The following GANC variants were observed in gnomAD, a reference collection of about 807,000 sequenced individuals.
The protein encoded by GANC is neutral alpha-glucosidase C.
In GANC, 117 loss-of-function variants were observed where a neutral mutation model predicts 124.2. The observed-to-expected ratio is 0.94, with a 90% CI of 0.81 to 1.10. The LOEUF is 1.10. GANC is among the 50% of genes least tolerant of loss of function. The pLI is 0.00. For missense variants in GANC, 1,140 were observed against 1,095.0 expected, an observed-to-expected ratio of 1.04 and a Z score of -0.58; for synonymous variants, 377 against 376.8, an observed-to-expected ratio of 1.00 and a Z score of -0.01.
intron 19 of GANC, 103 bp downstream of exon 19, chr15:42,343,257 C>A: frequency 1.1e-6 from 1 of 939,408 alleles, no homozygotes. Context: ...GAACACACCC[C>A]AGATGACTAT....
intron 16 of GANC, among the ~76,000 whole-genome samples, chr15:42,339,036 G>A (rs2052306710): frequency 6.6e-6 from 1 of 152,126 alleles, no homozygotes; most frequent in African/African-American, 2.4e-5. Flanking sequence ...TATGGAGGGG[G>A]CTCAAGATGG....
Position 42,352,505 on chromosome 15 carries a change from G to T in GANC, c.*366G>T. 1 of 1,050,942 alleles carries T rather than the reference G, an allele frequency of 9.5e-7. No individual in the cohort carries two copies. Among genetic ancestry groups the T allele is most frequent in the Non-Finnish European group, 1.2e-6 (1 of 868,384 alleles). 65.1% of individuals were successfully genotyped at this position (1,050,942 alleles called of 1,614,324 possible). ...GCCCATTTGCCAGGGCTTGCCTCAG[G>T]CCATGCAGCATTGGCGCTCTGGCTG... On this transcript the variant is annotated 3_prime_UTR_variant, in exon 24 of 24. Transcript: ENST00000318010.
At chr15:42,314,879 G>T (rs1219413258) in intron 10 of GANC, 1 of 152,210 alleles carries the variant, frequency 6.6e-6, no homozygotes, top group Non-Finnish European at 1.5e-5. Flanking sequence ...AATGCAGGTT[G>T]TCTACTAAGA....
At chr15:42,331,196 A>C (rs906040121) in intron 15 of GANC, among the ~76,000 whole-genome samples, 1 of 152,194 alleles carries the variant, frequency 6.6e-6, no homozygotes, top group Non-Finnish European at 1.5e-5. Context: ...GAATAAACAA[A>C]TTTTAGTCAT....
intron 15 of GANC, among the ~76,000 whole-genome samples, chr15:42,336,231 A>G (rs1017872754): frequency 6.6e-6 from 1 of 152,132 alleles, no homozygotes; most frequent in African/African-American, 2.4e-5. Flanking sequence ...CCAACCTCAA[A>G]CTACTACAAG....
intron 10 of GANC, among the ~76,000 whole-genome samples, chr15:42,313,216 A>C (rs1334344949): frequency 7.5e-6 from 1 of 133,142 alleles, no homozygotes; most frequent in Non-Finnish European, 1.7e-5. Flanking sequence ...TATATTCAAA[A>C]ATATGTTATA....
intron 3 of GANC, among the ~76,000 whole-genome samples, chr15:42,282,398 T>G (rs904585695): frequency 6.6e-5 from 10 of 152,304 alleles, no homozygotes; most frequent in Admixed American, 2.0e-4. Flanking sequence ...TCAAGGAGAT[T>G]GCACATTAAG....
chr15:42,287,876 T>C, intron 4 of GANC, 58 bp downstream of exon 4: 1 of 1,543,510 alleles, frequency 6.5e-7, no homozygotes, highest in Non-Finnish European at 8.7e-7. Context: ...TTATCATATC[T>C]TGAGTAATAA....
chr15:42,298,995 A>G (rs1008121334), intron 6 of GANC, among the ~76,000 whole-genome samples: 1 of 152,218 alleles, frequency 6.6e-6, no homozygotes. Flanking sequence ...ATATAAAATC[A>G]TGTCGTCTAC....
At chr15:42,303,913 T>C (rs1047587054) in intron 6 of GANC, among the ~76,000 whole-genome samples, 7 of 152,170 alleles carry the variant, frequency 4.6e-5, no homozygotes, top group Middle Eastern at 3.4e-3. Flanking sequence ...GTGGGAGACT[T>C]TAACACCCCA....
chr15:42,319,470 G>C (rs1229764972), intron 10 of GANC, among the ~76,000 whole-genome samples: 1 of 151,924 alleles, frequency 6.6e-6, no homozygotes, highest in Non-Finnish European at 1.5e-5. Flanking sequence ...TTAGCCTCCT[G>C]AGTAGCTGGG....
rs369604578 is a variant in GANC, at chr15:42,338,474, G to A, written c.1827G>A (p.Gly609=). Residue 609 remains glycine (G), a synonymous_variant, in exon 16 of 24, where the codon GGG becomes GGA. Coordinates refer to ENST00000318010, the MANE Select transcript of GANC (RefSeq NM_198141.3). ...IPMLLTLSIT[G]ISFCGADIGG... is the part of the protein sequence containing the mutation. ...TGTTACTCACTCTCAGCATTACTGG[G>A]ATCTCTTTTTGCGGAGGTAAGATGA... 31 of 1,613,172 alleles carry A rather than the reference G, an allele frequency of 1.9e-5. No individual in the cohort carries two copies. The Middle Eastern group carries it at 1.2e-3, about 60-fold the overall frequency.
chr15:42,297,701 C>G, intron 6 of GANC, 45 bp downstream of exon 6: 1 of 1,377,738 alleles, frequency 7.3e-7, no homozygotes, highest in Non-Finnish European at 1.0e-6. Context: ...TCACCATCAT[C>G]ATCATGATAG....
intron 15 of GANC, among the ~76,000 whole-genome samples, chr15:42,331,326 G>A (rs531605624): frequency 1.4e-3 from 211 of 152,284 alleles, no homozygotes; most frequent in African/African-American, 4.8e-3. Flanking sequence ...CAAAGCCAGG[G>A]AGATACACCT....
At chr15:42,281,323 G>T (rs1251680404) in intron 3 of GANC, among the ~76,000 whole-genome samples, 2 of 152,176 alleles carry the variant, frequency 1.3e-5, no homozygotes, top group African/African-American at 2.4e-5. Context: ...GTCTGTTAGA[G>T]ACAACAGAGG....
chr15:42,296,780 A>T (rs145581113), intron 5 of GANC, among the ~76,000 whole-genome samples: 1 of 151,340 alleles, frequency 6.6e-6, no homozygotes, highest in Non-Finnish European at 1.5e-5. Context: ...AAAAACTTTT[A>T]TGTAATAAAA....
intron 18 of GANC, among the ~76,000 whole-genome samples, chr15:42,342,726 C>T (rs533426536): frequency 1.3e-5 from 2 of 152,330 alleles, no homozygotes; most frequent in Admixed American, 6.5e-5. Context: ...TGACAGCAAA[C>T]AGTAAAGCAC....
At chr15:42,295,758 A>AC (rs2051885748) in intron 5 of GANC, among the ~76,000 whole-genome samples, 2 of 151,892 alleles carry the variant, frequency 1.3e-5, no homozygotes, top group South Asian at 4.2e-4. Context: ...AGAAGTCACT[A>AC]CTCCATCCTA....
intron 7 of GANC, 93 bp from the exon 8 acceptor site, chr15:42,308,129 T>C (rs2052015459): frequency 2.8e-6 from 2 of 711,226 alleles, no homozygotes; most frequent in Admixed American, 4.5e-5. Flanking sequence ...TCTCAGCCTT[T>C]AGTCTAGTCA....
Sources: gnomAD v4.1 joint callset for allele counts (sites outside exome capture counted in the v4.1 genomes callset) on GRCh38, gnomAD v4.1.1 for gene constraint, MANE v1.5 for transcripts, NCBI Gene and HGNC (gene_info 2026-07-23, HGNC 2026-07-21) for gene names.